Variants in DENND1A observed in about 807,000 individuals in gnomAD.
DENND1A encodes DENN domain-containing protein 1A.
In DENND1A, 51 loss-of-function variants were observed where a neutral mutation model predicts 113.7. The observed-to-expected ratio is 0.45, with a 90% CI of 0.36 to 0.57. DENND1A has a LOEUF of 0.57. DENND1A is among the 20% of genes least tolerant of loss of function. DENND1A has a pLI of 0.00. For missense variants in DENND1A, 1,258 were observed against 1,395.9 expected (o/e 0.90, Z 1.57); for synonymous variants, 565 against 570.8 (o/e 0.99, Z 0.14).
chr9:123,913,113 T>TAAA (rs915063969), intron 1 of DENND1A, among the ~76,000 whole-genome samples: 4 of 86,716 alleles, frequency 4.6e-5, no homozygotes, highest in African/African-American at 8.7e-5. Flanking sequence ...AAAGACAGTT[T>TAAA]AAAAAAAAAA....
rs1024218215 is a variant in DENND1A, at chr9:123,381,719, C to T, written c.2926G>A (p.Ala976Thr). ...GTTCGGATCCTCGACGGGGCAACTGCTGGGGGACCCAGCGGCTGTAGGGGG... is the reference window on the plus strand; with the variant it reads ...GTTCGGATCCTCGACGGGGCAACTGTTGGGGGACCCAGCGGCTGTAGGGGG... ...TSPLQPLGPP[A>T]VAPSRIRTLP... Residue 976 changes from alanine (A) to threonine (T), a missense_variant, in exon 24 of 24, where the codon GCA becomes ACA. This residue lies in a region of DENND1A where 1,159 missense variants were observed against 1,231.7 expected (regional missense o/e 0.94). Coordinates refer to ENST00000394215, the MANE Select transcript of DENND1A (RefSeq NM_001352964.2). The surrounding 1 kb of genome is among the most constrained non-coding windows in gnomAD (Gnocchi z 4.7). The T allele has an allele frequency of 6.5e-7, 1 of 1,535,856 alleles. No individual in the cohort carries two copies. Among genetic ancestry groups the T allele is most frequent in the African/African-American group, 1.4e-5 (1 of 72,672 alleles).
At position 123,422,305 on chromosome 9, in the gene DENND1A, C is replaced by G. The variant is rs912534157; in HGVS notation, c.1489-10476G>C. The stretch of plus-strand genomic sequence containing the variant: ...CTTTGTCTGCAAGACTGGCAACATT[C>G]CTGGCATGCTTCTGATCAGGAAAAA... On this transcript the variant is annotated intron_variant, in intron 19 of 23. Coordinates refer to ENST00000394215, the MANE Select transcript of DENND1A (RefSeq NM_001352964.2). This position sits in a 1 kb window ranked among gnomAD's most constrained non-coding sequence, Gnocchi z 4.8. Among the ~76,000 whole-genome samples, 2 of 152,216 alleles carry G rather than the reference C, an allele frequency of 1.3e-5. No homozygotes were observed. Among genetic ancestry groups the G allele is most frequent in the Non-Finnish European group, 2.9e-5 (2 of 68,032 alleles).
chr9:123,539,901 A>T (rs907505088), intron 13 of DENND1A, among the ~76,000 whole-genome samples: 1 of 150,316 alleles, frequency 6.7e-6, no homozygotes, highest in African/African-American at 2.5e-5. Context: ...AAAAAAAAAA[A>T]TTCATTACAT....
At chr9:123,738,988 C>CA (rs1417348252) in intron 5 of DENND1A, among the ~76,000 whole-genome samples, 1 of 152,032 alleles carries the variant, frequency 6.6e-6, no homozygotes, top group Non-Finnish European at 1.5e-5. Flanking sequence ...TACATATACA[C>CA]AAAAAAGGAG....
At chr9:123,851,910 A>G (rs775642174) in intron 2 of DENND1A, among the ~76,000 whole-genome samples, 7 of 152,214 alleles carry the variant, frequency 4.6e-5, no homozygotes, top group Non-Finnish European at 7.3e-5. Context: ...TTAAAGAAGG[A>G]CGATTCAGAA....
chr9:123,628,878 A>G (rs1168867019), intron 10 of DENND1A, among the ~76,000 whole-genome samples: 1 of 152,224 alleles, frequency 6.6e-6, no homozygotes, highest in Non-Finnish European at 1.5e-5. Context: ...GGTGGGAGAA[A>G]GGCACAAATA....
chr9:123,676,747 G>T lies in DENND1A; in HGVS notation c.345C>A (p.Ile115=). The T allele has an allele frequency of 6.2e-7, 1 of 1,613,960 alleles. No individual in the cohort carries two copies. The highest frequency in any genetic ancestry group is 8.5e-7 in the Non-Finnish European group (1 of 1,179,960). Residue 115 remains isoleucine (I), a synonymous_variant, in exon 6 of 24, where the codon ATC becomes ATA. Transcript: ENST00000394215. ...GTCTTTTTGTCGTGTAATCTGCCAG[G>T]ATGTTAAGCAGCTTATAAAATACCT... ...WFEVFYKLLN[I]LADYTTKRQE...
intron 15 of DENND1A, among the ~76,000 whole-genome samples, chr9:123,455,147 T>C (rs2048021389): frequency 6.6e-6 from 1 of 152,194 alleles, no homozygotes; most frequent in Non-Finnish European, 1.5e-5. Context: ...ATTCAGGACT[T>C]GGAGAACCCG....
chr9:123,381,535 T>A lies in DENND1A; in HGVS notation c.3110A>T (p.Asp1037Val). ...APQQARDPFE[D>V]LLQKTKQDVS... ...GTCTTGCTTGGTTTTCTGTAACAAA[T>A]CCTCAAAGGGGTCTCTGGCCTGTTG... The change falls in exon 24 of 24, where the codon GAT (aspartate) becomes GTT (valine). Residue 1037 changes from aspartate (D) to valine (V), a missense_variant. This residue lies in a region of DENND1A where 1,159 missense variants were observed against 1,231.7 expected (regional missense o/e 0.94). Transcript: ENST00000394215. The surrounding 1 kb of genome is among the most constrained non-coding windows in gnomAD (Gnocchi z 4.7). The A allele has an allele frequency of 6.2e-7, 1 of 1,613,494 alleles. No individual in the cohort carries two copies. Among genetic ancestry groups the A allele is most frequent in the Non-Finnish European group, 8.5e-7 (1 of 1,179,932 alleles).
chr9:123,419,119 A>G (rs554473070), intron 19 of DENND1A, among the ~76,000 whole-genome samples: 2 of 152,394 alleles, frequency 1.3e-5, no homozygotes, highest in East Asian at 1.9e-4. Flanking sequence ...GTGAGAAAAT[A>G]GAATAGTACA....
In DENND1A at chr9:123,795,373, T is replaced by C. The variant is rs1833610188; in HGVS notation, c.89-2743A>G. ...TCACATTGAGTCAATCGCAATGCCA[T>C]AATGTCACCAAAATATCGACATTGG... On this transcript the variant is annotated intron_variant, in intron 2 of 23. Coordinates refer to ENST00000394215, the MANE Select transcript of DENND1A (RefSeq NM_001352964.2). 2.6e-5 allele frequency among the ~76,000 whole-genome samples: 4 copies of C among 152,208 alleles called. 1 individual carries two copies.
intron 2 of DENND1A, among the ~76,000 whole-genome samples, chr9:123,841,111 C>A (rs1396575768): frequency 6.6e-6 from 1 of 152,046 alleles, no homozygotes; most frequent in Non-Finnish European, 1.5e-5. Context: ...AATCTTAAAC[C>A]AAATGTGATA....
chr9:123,744,770 C>T lies in DENND1A; in HGVS notation c.302+12933G>A, dbSNP rs200318563. ...CCAATATTCTTTACTTATATTAGCT[C>T]TTTTTTTTTTTTTTTTTTTTTTGAC... On this transcript the variant is annotated intron_variant, in intron 5 of 23. Transcript: ENST00000394215. Among the ~76,000 whole-genome samples the T allele has an allele frequency of 2.9e-3, 299 of 102,710 alleles. 7 individuals carry two copies. Among genetic ancestry groups the T allele is most frequent in the Middle Eastern group, 5.3e-3 (1 of 188 alleles). 67.4% of individuals were successfully genotyped at this position (102,710 alleles called of 152,430 possible).
intron 19 of DENND1A, among the ~76,000 whole-genome samples, chr9:123,417,893 G>A (rs1334197645): frequency 1.3e-5 from 2 of 151,856 alleles, no homozygotes; most frequent in Non-Finnish European, 2.9e-5. Context: ...ATTGGGGGGG[G>A]GGCAGTGGTA....
Position 123,919,386 on chromosome 9 carries a change from C to T in DENND1A, c.17+10503G>A, listed in dbSNP as rs972245210. 2.0e-5 allele frequency among the ~76,000 whole-genome samples: 3 copies of T among 151,064 alleles called. No homozygotes were observed. The South Asian group carries it at 6.3e-4, about 32-fold the overall frequency. ...ACTGGGGAGGTTGAGGCAGGAGAAT[C>T]GCTTGAACCCAGGAGGCAGAGGTTG... On this transcript the variant is annotated intron_variant, in intron 1 of 23. Coordinates refer to ENST00000394215, the MANE Select transcript of DENND1A (RefSeq NM_001352964.2).
intron 13 of DENND1A, among the ~76,000 whole-genome samples, chr9:123,510,211 G>T (rs567598738): frequency 2.4e-4 from 36 of 152,398 alleles, no homozygotes; most frequent in Admixed American, 6.5e-4. Flanking sequence ...CAAAGGCAGA[G>T]ATGACCTCTT....
chr9:123,634,490 C>T (rs1455359757), intron 9 of DENND1A, among the ~76,000 whole-genome samples: 3 of 152,172 alleles, frequency 2.0e-5, no homozygotes, highest in Non-Finnish European at 4.4e-5. Flanking sequence ...GTATCACTTG[C>T]CACTTATTTT....
intron 2 of DENND1A, among the ~76,000 whole-genome samples, chr9:123,860,358 C>T (rs1432401054): frequency 2.0e-5 from 3 of 152,100 alleles, no homozygotes; most frequent in East Asian, 1.9e-4. Context: ...TCTAGTCATT[C>T]GTTCATTGTT....
At chr9:123,455,625 GA>G (rs1487315154) in intron 15 of DENND1A, among the ~76,000 whole-genome samples, 1 of 152,232 alleles carries the variant, frequency 6.6e-6, no homozygotes, top group African/African-American at 2.4e-5. Context: ...AGGGGCACCA[GA>G]ACAGGAACCC....
Sources: gnomAD v4.1 joint callset for allele counts (sites outside exome capture counted in the v4.1 genomes callset) on GRCh38, gnomAD v4.1.1 for gene constraint, gnomAD v4.1.1 regional missense constraint, Gnocchi (gnomAD v3.1) non-coding constraint, MANE v1.5 for transcripts, NCBI Gene and HGNC (gene_info 2026-07-23, HGNC 2026-07-21) for gene names.